DLGAP2: variants seen among roughly 807,000 people sequenced by gnomAD.
DLGAP2 encodes disks large-associated protein 2.
Under a neutral mutation model 100.3 loss-of-function variants are expected in DLGAP2, and 26 were observed. That is an observed-to-expected ratio of 0.26 (90% CI 0.19 to 0.36). DLGAP2 has a LOEUF of 0.36. DLGAP2 is among the 10% of genes least tolerant of loss of function. DLGAP2 has a pLI of 1.00. For synonymous variants in DLGAP2, 886 were observed against 630.1 expected, an observed-to-expected ratio of 1.41 and a Z score of -6.08; for missense variants, 1,858 against 1,453.2, an observed-to-expected ratio of 1.28 and a Z score of -4.53.
intron 1 of DLGAP2, among the ~76,000 whole-genome samples, chr8:875,709 C>A (rs1390644607): frequency 6.6e-6 from 1 of 152,148 alleles, no homozygotes; most frequent in Admixed American, 6.5e-5. Flanking sequence ...TTTCTTCATC[C>A]CTCCTTACTC....
intron 3 of DLGAP2, among the ~76,000 whole-genome samples, chr8:1,447,569 C>A (rs181919302): frequency 3.2e-4 from 48 of 152,252 alleles, no homozygotes; most frequent in Admixed American, 3.3e-4. Context: ...TGTCTCTGCC[C>A]GGCTTTGGTA....
At chr8:1,682,938 T>C (rs938175827) in intron 12 of DLGAP2, among the ~76,000 whole-genome samples, 1 of 151,370 alleles carries the variant, frequency 6.6e-6, no homozygotes, top group Non-Finnish European at 1.5e-5. Context: ...TTTTGTCTTG[T>C]TTTTTACCTT....
chr8:1,075,789 G>T (rs576772435), intron 2 of DLGAP2, among the ~76,000 whole-genome samples: 1 of 151,986 alleles, frequency 6.6e-6, no homozygotes, highest in African/African-American at 2.4e-5. Flanking sequence ...CTCAGAGGCC[G>T]GGTGTCCCAA....
intron 3 of DLGAP2, among the ~76,000 whole-genome samples, chr8:1,457,838 A>T (rs1798357820): frequency 6.6e-6 from 1 of 151,506 alleles, no homozygotes; most frequent in African/African-American, 2.4e-5. Context: ...GAGTCACGCA[A>T]CTCACTACTT....
chr8:763,700 T>C (rs947672272), intron 1 of DLGAP2, among the ~76,000 whole-genome samples: 2 of 151,414 alleles, frequency 1.3e-5, no homozygotes, highest in African/African-American at 4.9e-5. Context: ...GGGGACTCGG[T>C]GTGTCCTTCG....
At chr8:916,186 G>A (rs145517918) in intron 2 of DLGAP2, among the ~76,000 whole-genome samples, 16 of 152,276 alleles carry the variant, frequency 1.1e-4, no homozygotes, top group African/African-American at 2.9e-4. Flanking sequence ...TCCCACCCAC[G>A]TATTTGTAGG....
intron 8 of DLGAP2, among the ~76,000 whole-genome samples, chr8:1,663,002 G>GAA (rs1491519265): frequency 2.2e-5 from 3 of 135,462 alleles, no homozygotes; most frequent in African/African-American, 8.1e-5. Flanking sequence ...TGAGTGTGGG[G>GAA]TGTGTGTGTG....
chr8:1,450,374 TG>T (rs1798115161), intron 3 of DLGAP2, among the ~76,000 whole-genome samples: 1 of 112,352 alleles, frequency 8.9e-6, no homozygotes, highest in Admixed American at 8.4e-5. Context: ...GGCTGAGCTG[TG>T]AGGGTGAAGA....
intron 4 of DLGAP2, among the ~76,000 whole-genome samples, chr8:1,533,259 G>T (rs2130461579): frequency 6.6e-6 from 1 of 152,216 alleles, no homozygotes; most frequent in South Asian, 2.1e-4. Flanking sequence ...AGCACTTTGG[G>T]AGGCCGAGGT....
intron 2 of DLGAP2, among the ~76,000 whole-genome samples, chr8:1,244,210 C>T (rs1022592994): frequency 8.5e-5 from 13 of 152,226 alleles, no homozygotes; most frequent in African/African-American, 2.7e-4. Flanking sequence ...TGTAGGTGCA[C>T]GTACCTGTGT....
rs1373682825 is a variant in DLGAP2 at position 1,701,489 on chromosome 8, C to T, written c.*83C>T. 11 of 1,368,772 alleles carry T rather than the reference C, an allele frequency of 8.0e-6. No individual in the cohort carries two copies. In the African/African-American group the frequency reaches 1.5e-4, roughly 18 times the overall value. 84.8% of individuals were successfully genotyped at this position (1,368,772 alleles called of 1,614,324 possible). On this transcript the variant is annotated 3_prime_UTR_variant, in exon 15 of 15. Transcript: ENST00000637795. ...GCGGCGCCGCCCTGGTGGTTTCTGTCTCCTCCTCCCGCTGAACACGTCCTC... is the reference window on the plus strand; with the variant it reads ...GCGGCGCCGCCCTGGTGGTTTCTGTTTCCTCCTCCCGCTGAACACGTCCTC...
chr8:1,067,525 C>T (rs1003254764), intron 2 of DLGAP2, among the ~76,000 whole-genome samples: 5 of 152,094 alleles, frequency 3.3e-5, no homozygotes, highest in African/African-American at 1.2e-4. Context: ...CGGGGCTATG[C>T]CCGGCCCACG....
At chr8:849,632 C>T (rs145426556) in intron 1 of DLGAP2, among the ~76,000 whole-genome samples, 1 of 152,174 alleles carries the variant, frequency 6.6e-6, no homozygotes, top group East Asian at 1.9e-4. Flanking sequence ...GGCTAATGGT[C>T]TCCCAGCCGT....
chr8:1,350,589 T>A (rs1403000897), intron 3 of DLGAP2, among the ~76,000 whole-genome samples: 2 of 41,052 alleles, frequency 4.9e-5, no homozygotes, highest in African/African-American at 7.6e-5. Flanking sequence ...GGGTCCTGAC[T>A]GTGCGTGGAA....
intron 3 of DLGAP2, among the ~76,000 whole-genome samples, chr8:1,392,285 G>A (rs1325631749): frequency 2.6e-5 from 4 of 152,126 alleles, no homozygotes; most frequent in Non-Finnish European, 5.9e-5. Context: ...TCGAGGCGCA[G>A]TCCAGATCCT....
chr8:1,017,073 CTG>C (rs760390728), intron 2 of DLGAP2, among the ~76,000 whole-genome samples: 1 of 10,880 alleles, frequency 9.2e-5, no homozygotes, highest in Non-Finnish European at 1.8e-4. Context: ...GACGCCTCCA[CTG>C]TGTGTGTGAC....
intron 3 of DLGAP2, among the ~76,000 whole-genome samples, chr8:1,351,648 G>C (rs1371655923): frequency 9.4e-5 from 7 of 74,324 alleles, no homozygotes; most frequent in South Asian, 9.4e-4. Context: ...TGCGTGGAAA[G>C]GCCGTGCGGG....
chr8:1,153,637 T>G (rs1796733275), intron 2 of DLGAP2, among the ~76,000 whole-genome samples: 1 of 152,354 alleles, frequency 6.6e-6, no homozygotes. Flanking sequence ...TTTAGACTTT[T>G]CACAGGCGTA....
At chr8:1,134,808 C>G (rs1052500499) in intron 2 of DLGAP2, among the ~76,000 whole-genome samples, 1 of 152,076 alleles carries the variant, frequency 6.6e-6, no homozygotes, top group East Asian at 1.9e-4. Flanking sequence ...CAGAAAAAAA[C>G]ACCATTTATA....
Sources: gnomAD v4.1 joint callset for allele counts (sites outside exome capture counted in the v4.1 genomes callset) on GRCh38, gnomAD v4.1.1 for gene constraint, MANE v1.5 for transcripts, NCBI Gene and HGNC (gene_info 2026-07-23, HGNC 2026-07-21) for gene names.